RNFT2: variants seen among roughly 807,000 people sequenced by gnomAD.
RNFT2 encodes the protein E3 ubiquitin-protein ligase RNFT2.
A neutral mutation model predicts 53.0 loss-of-function variants in RNFT2; 36 were observed. The observed-to-expected ratio is 0.68, with a 90% CI of 0.52 to 0.90. The LOEUF is 0.90. Among genes scored for constraint, RNFT2 ranks in the 40% least tolerant of loss-of-function variants. The pLI is 0.00. For synonymous variants in RNFT2, 260 were observed against 253.2 expected (o/e 1.03, Z -0.26); for missense variants, 514 against 585.6 (o/e 0.88, Z 1.26).
intron 7 of RNFT2, among the ~76,000 whole-genome samples, chr12:116,815,048 A>T (rs1380234846): frequency 1.3e-5 from 2 of 152,098 alleles, no homozygotes; most frequent in East Asian, 3.9e-4. Context: ...GATTCTTAGT[A>T]TGTCAACAAG....
At chr12:116,757,190 A>G (rs764110610) in intron 5 of RNFT2, among the ~76,000 whole-genome samples, 3 of 152,002 alleles carry the variant, frequency 2.0e-5, no homozygotes, top group Non-Finnish European at 2.9e-5. Context: ...TTCGTTTCTT[A>G]GTGAGGTCAT....
chr12:116,822,816 G>T (rs1310301664), intron 7 of RNFT2, among the ~76,000 whole-genome samples: 1 of 152,062 alleles, frequency 6.6e-6, no homozygotes, highest in African/African-American at 2.4e-5. Flanking sequence ...GGCCAACATG[G>T]TGAAACCCCA....
chr12:116,776,710 A>T (rs11829788), intron 6 of RNFT2, among the ~76,000 whole-genome samples: 28 of 152,186 alleles, frequency 1.8e-4, no homozygotes, highest in African/African-American at 6.5e-4. Context: ...CATCCATTCT[A>T]TGCTGAGTGT....
chr12:116,806,528 T>G (rs995406964), intron 7 of RNFT2, among the ~76,000 whole-genome samples: 1 of 151,160 alleles, frequency 6.6e-6, no homozygotes, highest in Non-Finnish European at 1.5e-5. Flanking sequence ...TTTAAGAGGC[T>G]GAGGCCAGGA....
At chr12:116,766,939 C>CTCTCCCACCGTGGG in intron 6 of RNFT2, 25 bp downstream of exon 6, 3 of 1,532,190 alleles carry the variant, frequency 2.0e-6, no homozygotes, top group Non-Finnish European at 2.7e-6. Context: ...CCAACCCCCA[C>CTCTCCCACCGTGGG]GGTGGGAGAG....
chr12:116,818,507 G>T (rs1451998221), intron 7 of RNFT2, among the ~76,000 whole-genome samples: 1 of 152,108 alleles, frequency 6.6e-6, no homozygotes, highest in African/African-American at 2.4e-5. Context: ...GAGGAGTGGT[G>T]TGAGTGAGCA....
At chr12:116,842,896 G>C (rs1452645718) in intron 10 of RNFT2, among the ~76,000 whole-genome samples, 1 of 152,102 alleles carries the variant, frequency 6.6e-6, no homozygotes, top group Non-Finnish European at 1.5e-5. Context: ...ATAAGGGGTA[G>C]TGGCTCATAA....
rs1487905583 is a variant in RNFT2, at chr12:116,742,494, C to T, written c.83+1400C>T. Among the ~76,000 whole-genome samples the T allele has an allele frequency of 3.9e-5, 6 of 151,936 alleles. No individual in the cohort carries two copies. The East Asian group carries it at 7.7e-4, about 20-fold the overall frequency. On this transcript the variant is annotated intron_variant, in intron 3 of 10. Transcript: ENST00000257575. The stretch of plus-strand genomic sequence containing the variant: ...GTTTCCCAGGCTAGTCTCAAACTCC[C>T]GGGCTCAAGCGATCTGTCCGACTTG...
At chr12:116,827,534 A>G (rs1475162065) in intron 7 of RNFT2, among the ~76,000 whole-genome samples, 2 of 152,214 alleles carry the variant, frequency 1.3e-5, no homozygotes, top group East Asian at 3.9e-4. Context: ...ATTCTGATAG[A>G]ACAGACCACA....
At chr12:116,847,012 G>A (rs1416511929) in intron 10 of RNFT2, among the ~76,000 whole-genome samples, 2 of 150,036 alleles carry the variant, frequency 1.3e-5, no homozygotes, top group Non-Finnish European at 2.9e-5. Flanking sequence ...GGGTTCAAAC[G>A]ATTCTCCTGC....
chr12:116,822,350 C>G (rs1051952002), intron 7 of RNFT2, among the ~76,000 whole-genome samples: 1 of 152,066 alleles, frequency 6.6e-6, no homozygotes, highest in African/African-American at 2.4e-5. Context: ...CTCTCTGTCT[C>G]TCTCTCTCTC....
chr12:116,797,757 C>G (rs1024945590), intron 7 of RNFT2, among the ~76,000 whole-genome samples: 1 of 152,114 alleles, frequency 6.6e-6, no homozygotes, highest in Non-Finnish European at 1.5e-5. Flanking sequence ...CAGGGCTGCC[C>G]CATAGGCAGA....
At chr12:116,847,555 T>C (rs1027821548) in intron 10 of RNFT2, among the ~76,000 whole-genome samples, 4 of 151,352 alleles carry the variant, frequency 2.6e-5, no homozygotes, top group African/African-American at 9.7e-5. Context: ...GAGGCAGAGT[T>C]TTGCTCTCGT....
chr12:116,753,612 T>C (rs1003688758), intron 4 of RNFT2, among the ~76,000 whole-genome samples: 1 of 152,196 alleles, frequency 6.6e-6, no homozygotes, highest in Non-Finnish European at 1.5e-5. Flanking sequence ...GTTATTGTTC[T>C]GTCCATTTTA....
intron 3 of RNFT2, 27 bp from the exon 4 acceptor site, chr12:116,749,814 T>G: frequency 1.3e-6 from 2 of 1,552,940 alleles, no homozygotes; most frequent in Non-Finnish European, 1.7e-6. Flanking sequence ...CCTGACTTCC[T>G]GGGGTTTCTC....
rs7960557 is a variant in RNFT2, at chr12:116,846,824, C to T, written c.1201-2490C>T. 7.4e-3 allele frequency among the ~76,000 whole-genome samples: 1,127 copies of T among 151,668 alleles called. 15 individuals carry two copies. Among genetic ancestry groups the T allele is most frequent in the African/African-American group, 0.026 (1,075 of 41,314 alleles). Reference sequence around the variant, plus strand: ...GTGGTAGACATTTAGATTCTTCATCCCTAAATACTTCAGTGTGCATCTCCC... The same window carrying T: ...GTGGTAGACATTTAGATTCTTCATCTCTAAATACTTCAGTGTGCATCTCCC... On this transcript the variant is annotated intron_variant, in intron 10 of 10. Transcript: ENST00000257575.
At chr12:116,787,777 G>A (rs551686572) in intron 7 of RNFT2, among the ~76,000 whole-genome samples, 1 of 152,018 alleles carries the variant, frequency 6.6e-6, no homozygotes, top group South Asian at 2.1e-4. Context: ...ATCACCTAGA[G>A]AGGAGGCAGG....
rs1343964854 is a variant in RNFT2, at chr12:116,850,967, C to T, written c.*1519C>T. 1.3e-5 allele frequency: 2 copies of T among 152,152 alleles called. No individual in the cohort carries two copies. The highest frequency in any genetic ancestry group is 2.9e-5 in the Non-Finnish European group (2 of 68,056). The allele number at this position is 152,152 out of a possible 1,614,324, so 9.4% of individuals were successfully genotyped here. ...TTCAAAATACAGTTGTTGGGCCCCACCATATACCTGTAATGACTTAAGGTC... is the reference window on the plus strand; with the variant it reads ...TTCAAAATACAGTTGTTGGGCCCCATCATATACCTGTAATGACTTAAGGTC... On this transcript the variant is annotated 3_prime_UTR_variant, in exon 11 of 11. Transcript: ENST00000257575.
chr12:116,740,208 G>C, intron 1 of RNFT2, 137 bp from the exon 2 acceptor site: 2 of 312,182 alleles, frequency 6.4e-6, no homozygotes, highest in Non-Finnish European at 1.2e-5. Flanking sequence ...AGTTTCAAGG[G>C]GGGATCACTG....
Sources: allele counts gnomAD v4.1 joint callset (sites outside exome capture counted in the v4.1 genomes callset), GRCh38; gene constraint gnomAD v4.1.1; transcripts MANE v1.5; gene names NCBI Gene and HGNC (gene_info 2026-07-23, HGNC 2026-07-21).